The following PDXK variants were observed in gnomAD, a reference collection of about 807,000 sequenced individuals.
PDXK encodes pyridoxal kinase.
PDXK carries 15 observed loss-of-function variants against 43.2 expected under a neutral mutation model. The observed-to-expected ratio is 0.35, with a 90% CI of 0.23 to 0.53. PDXK has a LOEUF of 0.53. Ranked by LOEUF, PDXK falls within the 20% of genes least tolerant of loss-of-function variation. The probability of loss-of-function intolerance (pLI) is 0.92; values close to 1 mark genes in which losing one functional copy is unlikely to be tolerated. For missense variants in PDXK, 343 were observed against 417.0 expected (o/e 0.82, Z 1.54); for synonymous variants, 172 against 165.4 (o/e 1.04, Z -0.31).
In PDXK at chr21:43,761,817, A is replaced by G. The variant is rs895406670; in HGVS notation, c.*5754A>G. The G allele has an allele frequency of 1.3e-5, 2 of 152,868 alleles. No homozygotes were observed. Among genetic ancestry groups the G allele is most frequent in the Admixed American group, 1.3e-4 (2 of 15,276 alleles). The allele number at this position is 152,868 out of a possible 1,614,324, so 9.5% of individuals were successfully genotyped here. ...CAAGCTCGAGCCGTCATAGGTCCCC[A>G]TGAGGTGTCTGAAGCCCCTTCTTGG... On this transcript the variant is annotated 3_prime_UTR_variant, in exon 11 of 11. Transcript: ENST00000291565.
At chr21:43,720,024 CGAG>C (rs1341194741) in intron 1 of PDXK, 17 of 709,730 alleles carry the variant, frequency 2.4e-5, no homozygotes, top group East Asian at 1.3e-4. Context: ...TTTGCTCTGA[CGAG>C]GAGAAGCCCC....
At chr21:43,752,427 C>A in intron 7 of PDXK, 91 bp from the exon 8 acceptor site, 2 of 851,140 alleles carry the variant, frequency 2.3e-6, no homozygotes, top group Non-Finnish European at 1.9e-6. Flanking sequence ...CTCCCCGTGC[C>A]ACTGCCAGGT....
At position 43,754,779 on chromosome 21, in the gene PDXK, T is replaced by C. The variant is rs567891423; in HGVS notation, c.760-919T>C. On this transcript the variant is annotated intron_variant, in intron 9 of 10. Coordinates refer to ENST00000291565, the MANE Select transcript of PDXK (RefSeq NM_003681.5). This position sits in a 1 kb window ranked among gnomAD's most constrained non-coding sequence, Gnocchi z 5.5. ...TCAGAGGTCAGGACCTGCAGGTGGC[T>C]CTCCCTGTGCTGTCTTTGCCGGGCC... Among the ~76,000 whole-genome samples the C allele has an allele frequency of 4.1e-4, 62 of 152,020 alleles. No homozygotes were observed. The highest frequency in any genetic ancestry group is 7.8e-4 in the Non-Finnish European group (53 of 67,988).
chr21:43,754,384 C>T lies in PDXK; in HGVS notation c.759+665C>T, dbSNP rs929493490. On this transcript the variant is annotated intron_variant, in intron 9 of 10. Coordinates refer to ENST00000291565, the MANE Select transcript of PDXK (RefSeq NM_003681.5). This position sits in a 1 kb window ranked among gnomAD's most constrained non-coding sequence, Gnocchi z 5.5. The stretch of plus-strand genomic sequence containing the variant: ...TTCTCGTGTGTCCCATGGGTAAGCA[C>T]ACAGCTCAGCGGGGACAGAGGAGTT... Among the ~76,000 whole-genome samples, 4 of 152,186 alleles carry T rather than the reference C, an allele frequency of 2.6e-5. No homozygotes were observed. The highest frequency in any genetic ancestry group is 4.4e-5 in the Non-Finnish European group (3 of 68,022).
intron 7 of PDXK, among the ~76,000 whole-genome samples, chr21:43,752,126 T>C (rs3042282): frequency 0.24 from 31,717 of 130,390 alleles, 3,484 homozygotes; most frequent in Middle Eastern, 0.35. Flanking sequence ...TGTGTGTGTG[T>C]GCGCGCGCGT....
At chr21:43,752,720 CA>C in intron 8 of PDXK, 91 bp downstream of exon 8, 2 of 785,852 alleles carry the variant, frequency 2.5e-6, no homozygotes, top group South Asian at 2.9e-5. Context: ...GGTTCAATAG[CA>C]TGAAATTTAA....
Position 43,759,557 on chromosome 21 carries a change from C to G in PDXK, c.*3494C>G, listed in dbSNP as rs770669446. The G allele has an allele frequency of 6.5e-6, 1 of 154,134 alleles. No homozygotes were observed. The highest frequency in any genetic ancestry group is 1.5e-5 in the Non-Finnish European group (1 of 68,436). The allele number at this position is 154,134 out of a possible 1,614,324, so 9.5% of individuals were successfully genotyped here. A position where few individuals can be genotyped will look rare whatever the true frequency, so the allele number is the denominator to read the frequency against. ...AGGAGTCTCTCCCTCTCTCCCCTGC[C>G]GCCTGCCTGGTCTCATGGGCCTCCT... On this transcript the variant is annotated 3_prime_UTR_variant, in exon 11 of 11. Coordinates refer to ENST00000291565, the MANE Select transcript of PDXK (RefSeq NM_003681.5).
chr21:43,745,946 A>G (rs2083631558), intron 4 of PDXK, 133 bp from the exon 5 acceptor site: 2 of 739,602 alleles, frequency 2.7e-6, no homozygotes, highest in Admixed American at 4.1e-5. Context: ...GCAGTGAACC[A>G]TGATTGCACC....
intron 1 of PDXK, among the ~76,000 whole-genome samples, chr21:43,722,178 G>A (rs575133221): frequency 6.6e-6 from 1 of 152,332 alleles, no homozygotes; most frequent in African/African-American, 2.4e-5. Context: ...AAGGAGTGGA[G>A]GGAACTAGTG....
At chr21:43,743,999 C>T (rs887929581) in intron 4 of PDXK, among the ~76,000 whole-genome samples, 192 bp downstream of exon 4, 2 of 152,334 alleles carry the variant, frequency 1.3e-5, no homozygotes, top group South Asian at 4.1e-4. Flanking sequence ...GGGCTAGAAG[C>T]GTTTGCAGGT....
intron 1 of PDXK, among the ~76,000 whole-genome samples, chr21:43,730,492 G>C (rs1311643241): frequency 2.6e-5 from 4 of 152,120 alleles, no homozygotes; most frequent in African/African-American, 9.7e-5. Context: ...ATAGCTGAAC[G>C]TAAACTACCA....
At chr21:43,727,823 G>A (rs1425873496) in intron 1 of PDXK, among the ~76,000 whole-genome samples, 1 of 152,230 alleles carries the variant, frequency 6.6e-6, no homozygotes, top group African/African-American at 2.4e-5. Flanking sequence ...CATTTTTGCT[G>A]CACGCTGTGG....
chr21:43,743,033 G>A (rs2083564484), intron 3 of PDXK, among the ~76,000 whole-genome samples: 1 of 152,010 alleles, frequency 6.6e-6, no homozygotes, highest in Admixed American at 6.6e-5. Flanking sequence ...CAACTGTGAG[G>A]ACACCTCGTT....
Position 43,754,800 on chromosome 21 carries a change from G to A in PDXK, c.760-898G>A, listed in dbSNP as rs192970290. On this transcript the variant is annotated intron_variant, in intron 9 of 10. Transcript: ENST00000291565. The surrounding 1 kb of genome is among the most constrained non-coding windows in gnomAD (Gnocchi z 5.5). ...TGGCTCTCCCTGTGCTGTCTTTGCCGGGCCGCTTAAGGGGCCACGTGTCCC... is the reference window on the plus strand; with the variant it reads ...TGGCTCTCCCTGTGCTGTCTTTGCCAGGCCGCTTAAGGGGCCACGTGTCCC... Among the ~76,000 whole-genome samples, 20 of 152,220 alleles carry A rather than the reference G, an allele frequency of 1.3e-4. No individual in the cohort carries two copies. Among genetic ancestry groups the A allele is most frequent in the South Asian group, 6.2e-4 (3 of 4,828 alleles).
Position 43,737,289 on chromosome 21 carries a change from C to T in PDXK, c.142+3166C>T, listed in dbSNP as rs1601802211. The T allele has an allele frequency of 1.4e-6, 2 of 1,402,960 alleles. No individual in the cohort carries two copies. Among genetic ancestry groups the T allele is most frequent in the South Asian group, 1.5e-5 (1 of 64,708 alleles). 86.9% of individuals were successfully genotyped at this position (1,402,960 alleles called of 1,614,324 possible). A position where few individuals can be genotyped will look rare whatever the true frequency, so the allele number is the denominator to read the frequency against. On this transcript the variant is annotated intron_variant, in intron 2 of 10. Transcript: ENST00000291565. This position sits in a 1 kb window ranked among gnomAD's most constrained non-coding sequence, Gnocchi z 4.8. ...CAGAGCCCACCTGGCGCAGGCCTCG[C>T]CGCCTCGAGGCTGCTGCTCGCACTT...
intron 5 of PDXK, among the ~76,000 whole-genome samples, chr21:43,747,379 T>TCTG (rs925756455): frequency 2.1e-4 from 32 of 152,380 alleles, no homozygotes; most frequent in Middle Eastern, 6.8e-3. Flanking sequence ...GTCTAGGGTG[T>TCTG]CTGTTTGCTT....
Position 43,752,651 on chromosome 21 carries a change from C to T in PDXK, c.622+22C>T, listed in dbSNP as rs190780606. On this transcript the variant is annotated intron_variant, in intron 8 of 10. Coordinates refer to ENST00000291565, the MANE Select transcript of PDXK (RefSeq NM_003681.5). ...AGGAGTAAGTGCCCCCATCGTGCAC[C>T]GTGGCCGCCTCTGCTCTTCCCAGAG... 280 of 1,403,850 alleles carry T rather than the reference C, an allele frequency of 2.0e-4. 1 individual carries two copies. The East Asian group carries it at 5.6e-3, about 28-fold the overall frequency. The allele number at this position is 1,403,850 out of a possible 1,614,324, so 87.0% of individuals were successfully genotyped here.
At chr21:43,750,962 ATGTGTG>A (rs3042278) in intron 7 of PDXK, among the ~76,000 whole-genome samples, 231 of 150,736 alleles carry the variant, frequency 1.5e-3, no homozygotes, top group African/African-American at 3.9e-3. Flanking sequence ...ATGTGTGTGC[ATGTGTG>A]TGTGTGTGTG....
In PDXK at chr21:43,734,100, C is replaced by G; in HGVS notation, c.119C>G (p.Ser40Cys). ...VLGFEIDAVN[S>C]VQFSNHTGYA... ...GGATTTGAGATTGACGCGGTGAACT[C>G]TGTCCAGTTTTCAAACCACACAGGT... The change falls in exon 2 of 11, where the codon TCT (serine) becomes TGT (cysteine). Residue 40 changes from serine to cysteine, a missense_variant. By Grantham distance (112) the Ser-to-Cys change is moderately radical. Coordinates refer to ENST00000291565, the MANE Select transcript of PDXK (RefSeq NM_003681.5). The surrounding 1 kb of genome is among the most constrained non-coding windows in gnomAD (Gnocchi z 5.0). 6.2e-7 allele frequency: 1 copy of G among 1,614,228 alleles called. No individual in the cohort carries two copies. Among genetic ancestry groups the G allele is most frequent in the Non-Finnish European group, 8.5e-7 (1 of 1,180,026 alleles).
Sources: gnomAD v4.1 joint callset for allele counts (sites outside exome capture counted in the v4.1 genomes callset) on GRCh38, gnomAD v4.1.1 for gene constraint, Gnocchi (gnomAD v3.1) non-coding constraint, MANE v1.5 for transcripts, NCBI Gene and HGNC (gene_info 2026-07-23, HGNC 2026-07-21) for gene names.